Variants in KCNN2 observed in about 807,000 individuals in gnomAD.
KCNN2 encodes the protein potassium calcium-activated channel subfamily N member 2.
Under a neutral mutation model 55.5 loss-of-function variants are expected in KCNN2, and 24 were observed. The ratio of observed to expected loss-of-function variants is 0.43; its 90% CI spans 0.31 to 0.61. The LOEUF (loss-of-function observed/expected upper bound fraction) is 0.61. Among genes scored for constraint, KCNN2 ranks in the 20% least tolerant of loss-of-function variants. KCNN2 has a pLI of 0.08. For missense variants in KCNN2, 754 were observed against 853.6 expected (o/e 0.88, Z 1.45); for synonymous variants, 431 against 336.1 (o/e 1.28, Z -3.09).
chr5:114,260,426 A>G (rs1254956602), intron 2 of KCNN2, among the ~76,000 whole-genome samples: 2 of 151,984 alleles, frequency 1.3e-5, no homozygotes, highest in African/African-American at 4.8e-5. Context: ...ACTTTTTCAT[A>G]TTTTTACTTC....
intron 1 of KCNN2, among the ~76,000 whole-genome samples, chr5:114,187,320 G>A (rs962852088): frequency 2.0e-5 from 3 of 151,880 alleles, no homozygotes; most frequent in Admixed American, 2.0e-4. Context: ...ATAGGCAAGA[G>A]GTGGAAAACA....
intron 2 of KCNN2, among the ~76,000 whole-genome samples, chr5:114,369,167 T>G (rs1438390846): frequency 1.3e-5 from 2 of 152,186 alleles, no homozygotes; most frequent in Non-Finnish European, 2.9e-5. Flanking sequence ...TTCTCACACG[T>G]TATTCCTCCA....
intron 2 of KCNN2, among the ~76,000 whole-genome samples, chr5:114,234,905 T>A (rs1217136009): frequency 6.6e-6 from 1 of 152,190 alleles, no homozygotes; most frequent in Non-Finnish European, 1.5e-5. Context: ...GTGTTATGAG[T>A]TAGAGCTCAG....
At chr5:114,071,784 G>A (rs921511737) in intron 1 of KCNN2, among the ~76,000 whole-genome samples, 1 of 152,140 alleles carries the variant, frequency 6.6e-6, no homozygotes, top group Non-Finnish European at 1.5e-5. Flanking sequence ...ATACCACTAA[G>A]TTCTTCTCAT....
intron 2 of KCNN2, among the ~76,000 whole-genome samples, chr5:114,221,959 T>C (rs957444514): frequency 6.6e-6 from 1 of 152,208 alleles, no homozygotes; most frequent in African/African-American, 2.4e-5. Context: ...GACCCTGTTT[T>C]CTCATTGAAA....
intron 3 of KCNN2, among the ~76,000 whole-genome samples, chr5:114,412,543 T>A (rs951110274): frequency 2.6e-5 from 4 of 152,248 alleles, no homozygotes; most frequent in African/African-American, 7.2e-5. Context: ...GAGGAAGGGA[T>A]GAATGGCATC....
At chr5:114,438,610 C>A (rs555592174) in intron 3 of KCNN2, among the ~76,000 whole-genome samples, 6 of 152,094 alleles carry the variant, frequency 3.9e-5, no homozygotes, top group Non-Finnish European at 8.8e-5. Context: ...ACAACAACAA[C>A]AACAAACAGT....
chr5:114,321,169 A>T (rs542353724), intron 2 of KCNN2, among the ~76,000 whole-genome samples: 8 of 152,296 alleles, frequency 5.3e-5, no homozygotes, highest in African/African-American at 1.9e-4. Flanking sequence ...TTGCTGGGGA[A>T]GTCTTGCTTT....
chr5:114,248,685 T>C (rs2112623905), intron 2 of KCNN2, among the ~76,000 whole-genome samples: 1 of 152,312 alleles, frequency 6.6e-6, no homozygotes, highest in African/African-American at 2.4e-5. Context: ...GAAATTAAAC[T>C]CAAGCAACTA....
In KCNN2 at chr5:114,272,455, T is replaced by A. The variant is rs550129613; in HGVS notation, c.-185+50890T>A. On this transcript the variant is annotated intron_variant, in intron 2 of 10. Coordinates refer to the KCNN2 transcript ENST00000512097. Reference sequence around the variant, plus strand: ...TACATATCATATACACACATATGTATGTACATATCATACACACATATGTAT... The same window carrying A: ...TACATATCATATACACACATATGTAAGTACATATCATACACACATATGTAT... Among the ~76,000 whole-genome samples, 5 of 10,896 alleles carry A rather than the reference T, an allele frequency of 4.6e-4. No individual in the cohort carries two copies. In the Non-Finnish European group the frequency reaches 4.8e-3, roughly 10 times the overall value. The allele number at this position is 10,896 out of a possible 152,430, so 7.1% of individuals were successfully genotyped here. A position where few individuals can be genotyped will look rare whatever the true frequency, so the allele number is the denominator to read the frequency against.
chr5:114,419,373 C>T (rs1759405046), intron 3 of KCNN2, among the ~76,000 whole-genome samples: 1 of 152,186 alleles, frequency 6.6e-6, no homozygotes, highest in Non-Finnish European at 1.5e-5. Flanking sequence ...GTTTGCCAAC[C>T]TCTTATCTAA....
At chr5:114,296,756 A>T (rs980000014) in intron 2 of KCNN2, among the ~76,000 whole-genome samples, 2 of 152,158 alleles carry the variant, frequency 1.3e-5, no homozygotes, top group Non-Finnish European at 2.9e-5. Context: ...GCACCAAGAG[A>T]CCCAATGGAA....
chr5:114,354,126 G>A, intron 2 of KCNN2, among the ~76,000 whole-genome samples: 1 of 151,530 alleles, frequency 6.6e-6, no homozygotes, highest in East Asian at 1.9e-4. Context: ...TCTTTTCTCT[G>A]TTCTTCAGAT....
chr5:114,268,114 C>T (rs1207550724), intron 2 of KCNN2, among the ~76,000 whole-genome samples: 2 of 152,190 alleles, frequency 1.3e-5, no homozygotes, highest in African/African-American at 2.4e-5. Context: ...CACTTGTGTG[C>T]ACACTCACCA....
chr5:114,084,550 T>C (rs1750972123), intron 1 of KCNN2, among the ~76,000 whole-genome samples: 1 of 152,080 alleles, frequency 6.6e-6, no homozygotes, highest in African/African-American at 2.4e-5. Context: ...TTAAGAGTTC[T>C]TTGTATATTT....
intron 2 of KCNN2, among the ~76,000 whole-genome samples, chr5:114,399,915 A>AC (rs1023328460): frequency 1.5e-5 from 2 of 132,198 alleles, no homozygotes; most frequent in African/African-American, 6.1e-5. Flanking sequence ...GTAGCCTTTG[A>AC]GGGTTTTTTT....
intron 2 of KCNN2, among the ~76,000 whole-genome samples, chr5:114,242,641 G>A (rs1378261140): frequency 6.6e-6 from 1 of 152,148 alleles, no homozygotes. Context: ...CAGAGTAAAT[G>A]TTAGAAAGAG....
intron 2 of KCNN2, among the ~76,000 whole-genome samples, chr5:114,282,249 T>A (rs1324681840): frequency 6.6e-6 from 1 of 152,112 alleles, no homozygotes; most frequent in Non-Finnish European, 1.5e-5. Context: ...TTCCTTTGTA[T>A]GGGGAATTCA....
At chr5:114,241,768 A>G (rs1223726085) in intron 2 of KCNN2, among the ~76,000 whole-genome samples, 688 of 15,154 alleles carry the variant, frequency 0.045, 166 homozygotes, top group Admixed American at 0.066. Flanking sequence ...ATATACGTAT[A>G]TATATACATA....
Sources: gnomAD v4.1 joint callset for allele counts (sites outside exome capture counted in the v4.1 genomes callset) on GRCh38, gnomAD v4.1.1 for gene constraint, MANE v1.5 for transcripts, NCBI Gene and HGNC (gene_info 2026-07-23, HGNC 2026-07-21) for gene names.